The following TMTC2 variants were observed in gnomAD, a reference collection of about 807,000 sequenced individuals.
TMTC2 encodes the protein transmembrane O-mannosyltransferase targeting cadherins 2.
TMTC2 carries 43 observed loss-of-function variants against 82.4 expected under a neutral mutation model. The ratio of observed to expected loss-of-function variants is 0.52; its 90% CI spans 0.41 to 0.67. TMTC2 has a LOEUF of 0.67. TMTC2 is among the 30% of genes least tolerant of loss of function. TMTC2 has a pLI of 0.00. For synonymous variants in TMTC2, 408 were observed against 381.9 expected (o/e 1.07, Z -0.80); for missense variants, 919 against 1,012.4 (o/e 0.91, Z 1.25).
intron 1 of TMTC2, among the ~76,000 whole-genome samples, chr12:82,738,196 T>C (rs1483148302): frequency 6.6e-6 from 1 of 152,206 alleles, no homozygotes; most frequent in Non-Finnish European, 1.5e-5. Context: ...ATGGCAGAAA[T>C]TAAGTGCTCC....
intron 1 of TMTC2, among the ~76,000 whole-genome samples, chr12:82,742,376 G>T (rs1009357438): frequency 6.6e-6 from 1 of 150,514 alleles, no homozygotes; most frequent in Admixed American, 6.6e-5. Flanking sequence ...AAAAAATGCC[G>T]TGTTGTCTAC....
intron 1 of TMTC2, among the ~76,000 whole-genome samples, chr12:82,816,187 T>C (rs1176246676): frequency 1.3e-5 from 2 of 150,804 alleles, no homozygotes; most frequent in East Asian, 3.9e-4. Flanking sequence ...AAATGAACAG[T>C]GAAGGTTCCT....
chr12:83,033,787 A>T (rs1262073973), intron 9 of TMTC2, among the ~76,000 whole-genome samples: 1 of 144,312 alleles, frequency 6.9e-6, no homozygotes, highest in African/African-American at 2.5e-5. Context: ...AAACCATATA[A>T]ATATATATAT....
chr12:82,828,316 C>A (rs1172246652), intron 1 of TMTC2, among the ~76,000 whole-genome samples: 3 of 149,954 alleles, frequency 2.0e-5, no homozygotes, highest in Non-Finnish European at 4.4e-5. Flanking sequence ...TGGGTTCAAG[C>A]AATTATCCTG....
At chr12:82,793,168 C>G (rs773571554) in intron 1 of TMTC2, among the ~76,000 whole-genome samples, 8 of 152,132 alleles carry the variant, frequency 5.3e-5, no homozygotes, top group Admixed American at 3.3e-4. Context: ...GCTATTTACA[C>G]AAAGCTAACT....
rs1196477856 is a variant in TMTC2, at chr12:83,036,476, GTCT to G, written c.2152+5599_2152+5601del. On this transcript the variant is annotated intron_variant, in intron 9 of 11. Transcript: ENST00000321196. Reference sequence around the variant, plus strand: ...CTATCTTATGTTTTCTTGTCCCCGAGTCTTTTTTTTTTTTTTTTTGCTTCATCA... The same window carrying G: ...CTATCTTATGTTTTCTTGTCCCCGAGTTTTTTTTTTTTTTTTGCTTCATCA... 5.0e-3 allele frequency among the ~76,000 whole-genome samples: 709 copies of G among 140,584 alleles called. 4 individuals are homozygous for G. The highest frequency in any genetic ancestry group is 0.018 in the African/African-American group (676 of 36,714). 92.2% of individuals were successfully genotyped at this position (140,584 alleles called of 152,430 possible). A position where few individuals can be genotyped will look rare whatever the true frequency, so the allele number is the denominator to read the frequency against.
At chr12:82,828,375 G>A (rs932228465) in intron 1 of TMTC2, among the ~76,000 whole-genome samples, 4 of 151,740 alleles carry the variant, frequency 2.6e-5, no homozygotes, top group Non-Finnish European at 4.4e-5. Flanking sequence ...CACCATTCCC[G>A]GCTATGTAGA....
At chr12:82,905,111 C>A (rs954591308) in intron 3 of TMTC2, among the ~76,000 whole-genome samples, 2 of 151,866 alleles carry the variant, frequency 1.3e-5, no homozygotes, top group African/African-American at 4.8e-5. Flanking sequence ...TTTGTGACCG[C>A]CTATCTATGA....
At chr12:82,887,402 GA>G (rs1317021838) in intron 2 of TMTC2, among the ~76,000 whole-genome samples, 2 of 152,128 alleles carry the variant, frequency 1.3e-5, no homozygotes, top group African/African-American at 4.8e-5. Context: ...CCATAGAAGG[GA>G]ATAATTCACC....
At chr12:82,822,187 A>G (rs1869155492) in intron 1 of TMTC2, among the ~76,000 whole-genome samples, 2 of 152,224 alleles carry the variant, frequency 1.3e-5, no homozygotes, top group African/African-American at 4.8e-5. Flanking sequence ...CAGAGCACAG[A>G]GGATTTTTAG....
intron 1 of TMTC2, among the ~76,000 whole-genome samples, chr12:82,798,251 G>A (rs1592530137): frequency 1.4e-5 from 2 of 142,670 alleles, no homozygotes; most frequent in African/African-American, 2.5e-5. Flanking sequence ...CACCACGCCC[G>A]GCCACCTAAT....
chr12:82,752,997 A>G (rs907126838), intron 1 of TMTC2, among the ~76,000 whole-genome samples: 2 of 152,148 alleles, frequency 1.3e-5, no homozygotes, highest in African/African-American at 4.8e-5. Flanking sequence ...GGGCTGCTAC[A>G]GTGAGAATTT....
chr12:82,820,413 C>T (rs1200494193), intron 1 of TMTC2, among the ~76,000 whole-genome samples: 1 of 151,988 alleles, frequency 6.6e-6, no homozygotes, highest in East Asian at 1.9e-4. Context: ...CTATAACGCC[C>T]AGGCTGGAGT....
chr12:82,737,902 A>G (rs1230929948), intron 1 of TMTC2, among the ~76,000 whole-genome samples: 1 of 152,196 alleles, frequency 6.6e-6, no homozygotes. Context: ...TTATTCTTCC[A>G]AGGACCACAT....
intron 1 of TMTC2, among the ~76,000 whole-genome samples, chr12:82,707,213 G>A (rs1297239964): frequency 6.6e-6 from 1 of 152,142 alleles, no homozygotes; most frequent in Non-Finnish European, 1.5e-5. Flanking sequence ...TGTTCAAAGT[G>A]GCTTTCTTTT....
At chr12:83,018,164 G>A (rs1426831336) in intron 8 of TMTC2, among the ~76,000 whole-genome samples, 1 of 152,106 alleles carries the variant, frequency 6.6e-6, no homozygotes, top group African/African-American at 2.4e-5. Flanking sequence ...TGGAGGCACT[G>A]TGGTTGCCTT....
chr12:82,899,102 C>T (rs984657238), intron 3 of TMTC2, among the ~76,000 whole-genome samples: 3 of 152,016 alleles, frequency 2.0e-5, no homozygotes, highest in Non-Finnish European at 4.4e-5. Context: ...TTCAGGTGTC[C>T]ATCCTAATAC....
chr12:83,098,124 G>A lies in TMTC2; in HGVS notation c.2332-34086G>A, dbSNP rs150499390. Among the ~76,000 whole-genome samples, 840 of 152,334 alleles carry A rather than the reference G, an allele frequency of 5.5e-3. 10 individuals carry two copies. The highest frequency in any genetic ancestry group is 0.019 in the African/African-American group (801 of 41,568). ...CAGAGACAGTTAATGGGCTGTTGGA[G>A]TAGCTCATGCTGCAGAGGGGATGGT... On this transcript the variant is annotated intron_variant, in intron 11 of 11. Transcript: ENST00000321196.
At chr12:82,730,176 T>G (rs957794269) in intron 1 of TMTC2, among the ~76,000 whole-genome samples, 1 of 150,232 alleles carries the variant, frequency 6.7e-6, no homozygotes, top group Non-Finnish European at 1.5e-5. Context: ...GTGCCTGGAG[T>G]CCCAGCTATT....
Sources: allele counts gnomAD v4.1 joint callset (sites outside exome capture counted in the v4.1 genomes callset), GRCh38; gene constraint gnomAD v4.1.1; transcripts MANE v1.5; gene names NCBI Gene and HGNC (gene_info 2026-07-23, HGNC 2026-07-21).